The following WDR11 variants were observed in gnomAD, a reference collection of about 807,000 sequenced individuals.
The protein encoded by WDR11 is WD repeat domain 11.
Under a neutral mutation model 151.2 loss-of-function variants are expected in WDR11, and 83 were observed. The ratio of observed to expected loss-of-function variants is 0.55; its 90% CI spans 0.46 to 0.66. The LOEUF is 0.66. Among genes scored for constraint, WDR11 ranks in the 30% least tolerant of loss-of-function variants. WDR11 has a pLI of 0.00. For synonymous variants in WDR11, 484 were observed against 533.1 expected (o/e 0.91, Z 1.27); for missense variants, 1,301 against 1,480.9 (o/e 0.88, Z 1.99).
At chr10:120,863,642 C>A (rs1051884033) in intron 5 of WDR11, among the ~76,000 whole-genome samples, 1 of 152,086 alleles carries the variant, frequency 6.6e-6, no homozygotes, top group African/African-American at 2.4e-5. Context: ...TTTCCTATAG[C>A]AATAATCTGT....
At position 120,886,614 on chromosome 10, in the gene WDR11, G is replaced by A. The variant is rs7079781; in HGVS notation, c.1974-75G>A. The A allele has an allele frequency of 0.34, 528,858 of 1,566,264 alleles. 91,280 individuals are homozygous for A. The highest frequency in any genetic ancestry group is 0.48 in the Admixed American group (26,496 of 55,756). ...CTCCTCTTAATGCGTCTGTACTTTG[G>A]GCAAGTTAATTAATTATGAGTATCA... On this transcript the variant is annotated intron_variant, in intron 15 of 28. Transcript: ENST00000263461.
chr10:120,904,114 G>C lies in WDR11; in HGVS notation c.2999G>C (p.Cys1000Ser), dbSNP rs1847942924. ...KRSTYDHTRK[C>S]TDQLLLLGQT... The stretch of plus-strand genomic sequence containing the variant: ...TCAACTTATGATCATACAAGGAAAT[G>C]TACAGACCAGCTACTGCTCTTGGGT... Residue 1000 changes from cysteine to serine, a missense_variant, in exon 24 of 29, where the codon TGT (cysteine) becomes TCT (serine). Around this residue, in one of 3 missense-constraint regions of WDR11, gnomAD observed 589 missense variants for 670.6 expected, o/e 0.88. Coordinates refer to ENST00000263461, the MANE Select transcript of WDR11 (RefSeq NM_018117.12). 1 of 1,613,180 alleles carries C rather than the reference G, an allele frequency of 6.2e-7. No homozygotes were observed. The highest frequency in any genetic ancestry group is 1.1e-5 in the South Asian group (1 of 91,078).
At chr10:120,874,494 C>G (rs1163998546) in intron 11 of WDR11, among the ~76,000 whole-genome samples, 2 of 151,528 alleles carry the variant, frequency 1.3e-5, no homozygotes, top group African/African-American at 4.9e-5. Flanking sequence ...CTGCACCTGT[C>G]AACCCATCAC....
chr10:120,905,264 C>T, intron 25 of WDR11, 55 bp from the exon 26 acceptor site: 1 of 1,567,642 alleles, frequency 6.4e-7, no homozygotes, highest in Non-Finnish European at 8.8e-7. Flanking sequence ...TTTTTAATGA[C>T]TTCTCAAAGA....
At position 120,876,098 on chromosome 10, in the gene WDR11, C is replaced by T. The variant is rs377340946; in HGVS notation, c.1556+2175C>T. On this transcript the variant is annotated intron_variant, in intron 11 of 28. Transcript: ENST00000263461. The stretch of plus-strand genomic sequence containing the variant: ...GGTTCAAGCAATTCTCCTGCCTCAT[C>T]CTCCCAAGTAGCTGGGATTACAGGT... Among the ~76,000 whole-genome samples the T allele has an allele frequency of 1.6e-3, 239 of 150,538 alleles. 2 individuals are homozygous for T. Among genetic ancestry groups the T allele is most frequent in the African/African-American group, 4.4e-3 (181 of 41,026 alleles).
chr10:120,900,654 C>T (rs941505618), intron 20 of WDR11, among the ~76,000 whole-genome samples: 2 of 152,160 alleles, frequency 1.3e-5, no homozygotes, highest in African/African-American at 4.8e-5. Context: ...AGTGTCTGTT[C>T]TCCAAGCACT....
intron 12 of WDR11, chr10:120,879,517 C>T (rs1451246449): frequency 6.6e-6 from 1 of 152,114 alleles, no homozygotes; most frequent in Non-Finnish European, 1.5e-5. Context: ...GAAAAAAAAT[C>T]CCTGTTTTAT....
Position 120,865,728 on chromosome 10 carries a change from T to C in WDR11, c.978T>C (p.Thr326=), listed in dbSNP as rs538922099. ...GATCTTATAATAACATTTTTACCAC[T>C]TCAAATGAGGAACCAGGTGAGTTTC... ...VRRSYNNIFT[T]SNEEPDPDPV... is the part of the protein sequence containing the mutation. The change falls in exon 7 of 29, where the codon ACT becomes ACC. Residue 326 remains threonine, a synonymous_variant. Coordinates refer to ENST00000263461, the MANE Select transcript of WDR11 (RefSeq NM_018117.12). The C allele has an allele frequency of 1.9e-6, 3 of 1,601,870 alleles. No homozygotes were observed. The South Asian group carries it at 3.3e-5, about 18-fold the overall frequency.
chr10:120,908,563 C>A lies in WDR11; in HGVS notation c.3525C>A (p.Leu1175=), dbSNP rs1848159811. The A allele has an allele frequency of 1.2e-6, 2 of 1,614,080 alleles. No individual in the cohort carries two copies. ...AFEVTEDTEK[L]ITAIYADYAR... ...TCCTTAACTATGGTTTACAGAAACT[C>A]ATCACTGCTATATATGCAGATTATG... Residue 1175 remains leucine (L), a synonymous_variant, in exon 29 of 29, where the codon CTC becomes CTA. Coordinates refer to ENST00000263461, the MANE Select transcript of WDR11 (RefSeq NM_018117.12).
intron 11 of WDR11, among the ~76,000 whole-genome samples, chr10:120,875,505 C>T (rs1846734833): frequency 6.6e-6 from 1 of 152,016 alleles, no homozygotes; most frequent in Non-Finnish European, 1.5e-5. Flanking sequence ...TATGAATTTC[C>T]ACTTTTTTGT....
intron 17 of WDR11, chr10:120,889,465 C>T (rs1847343783): frequency 4.9e-6 from 2 of 405,356 alleles, no homozygotes; most frequent in South Asian, 2.2e-5. Context: ...TGGTCTCGAT[C>T]TCCTGACCTC....
At chr10:120,875,526 A>T (rs1846735517) in intron 11 of WDR11, among the ~76,000 whole-genome samples, 1 of 152,048 alleles carries the variant, frequency 6.6e-6, no homozygotes, top group African/African-American at 2.4e-5. Flanking sequence ...TTGTTTTTTG[A>T]TACAGTCTTA....
At chr10:120,860,319 A>G (rs1261728091) in intron 4 of WDR11, 37 bp downstream of exon 4, 1 of 1,597,508 alleles carries the variant, frequency 6.3e-7, no homozygotes, top group Non-Finnish European at 8.5e-7. Context: ...GAGTTAAGTG[A>G]GATATTTATA....
In WDR11 at chr10:120,904,048, A is replaced by G. The variant is rs1470583606; in HGVS notation, c.2933A>G (p.Lys978Arg). ...DVLCENAYFQ[K>R]FQLERVNLQE... is the part of the protein sequence containing the mutation. The stretch of plus-strand genomic sequence containing the variant: ...TTTTTCTTTTTTTTCCAATTCTAGA[A>G]ATTTCAGCTAGAAAGGGTTAATCTG... Residue 978 changes from lysine (K) to arginine (R), a missense_variant and splice_region_variant, in exon 24 of 29, where the codon AAA (lysine) becomes AGA (arginine). By Grantham distance (26) the Lys-to-Arg change is conservative. Coordinates refer to ENST00000263461, the MANE Select transcript of WDR11 (RefSeq NM_018117.12). The G allele has an allele frequency of 3.1e-6, 5 of 1,605,864 alleles. No homozygotes were observed. The African/African-American group carries it at 4.0e-5, about 13-fold the overall frequency.
At chr10:120,882,011 G>A (rs193301578) in intron 13 of WDR11, among the ~76,000 whole-genome samples, 1 of 152,132 alleles carries the variant, frequency 6.6e-6, no homozygotes, top group African/African-American at 2.4e-5. Flanking sequence ...CCTTTATCAA[G>A]TTGAAAAAGT....
Position 120,866,699 on chromosome 10 carries a change from G to T in WDR11, c.1125G>T (p.Val375=). 1 of 1,614,176 alleles carries T rather than the reference G, an allele frequency of 6.2e-7. No individual in the cohort carries two copies. Among genetic ancestry groups the T allele is most frequent in the Non-Finnish European group, 8.5e-7 (1 of 1,180,028 alleles). The stretch of plus-strand genomic sequence containing the variant: ...ATGAGAATGCAGCCGCCCTCGTAGT[G>T]AGTGATGGCAGGGTCATGATATGGG... ...PVNENAAALV[V]SDGRVMIWEL... The change falls in exon 8 of 29, where the codon GTG becomes GTT. Residue 375 remains valine (V), a synonymous_variant. Coordinates refer to ENST00000263461, the MANE Select transcript of WDR11 (RefSeq NM_018117.12).
chr10:120,855,343 C>T (rs1845910956), intron 2 of WDR11, among the ~76,000 whole-genome samples: 1 of 152,050 alleles, frequency 6.6e-6, no homozygotes, highest in African/African-American at 2.4e-5. Context: ...TTTCATCATG[C>T]TATTCAGAAA....
chr10:120,901,021 A>T lies in WDR11; in HGVS notation c.2625-15A>T. The T allele has an allele frequency of 6.3e-7, 1 of 1,591,814 alleles. No homozygotes were observed. On this transcript the variant is annotated splice_polypyrimidine_tract_variant and intron_variant, in intron 20 of 28. Coordinates refer to ENST00000263461, the MANE Select transcript of WDR11 (RefSeq NM_018117.12). The stretch of plus-strand genomic sequence containing the variant: ...TGAAGAGATAATGAACTCATTCAAA[A>T]TTTTTTCTTTACAGTGACTATCCAG...
chr10:120,900,074 C>T lies in WDR11; in HGVS notation c.2561C>T (p.Ala854Val). Residue 854 changes from alanine to valine, a missense_variant, in exon 20 of 29, where the codon GCC (alanine) becomes GTC (valine). Coordinates refer to ENST00000263461, the MANE Select transcript of WDR11 (RefSeq NM_018117.12). ...CTCCTTGTTCCAAGGGCCTCTCTTG[C>T]CTTGAAAGCCTTCTTATTACACCAG... The part of the protein sequence containing the change: ...PYLLVPRASL[A>V]LKAFLLHQPW... 1.2e-6 allele frequency: 2 copies of T among 1,614,114 alleles called. No individual in the cohort carries two copies. Among genetic ancestry groups the T allele is most frequent in the Non-Finnish European group, 1.7e-6 (2 of 1,179,980 alleles).
Sources: allele counts gnomAD v4.1 joint callset (sites outside exome capture counted in the v4.1 genomes callset), GRCh38; gene constraint gnomAD v4.1.1; regional missense constraint gnomAD v4.1.1; transcripts MANE v1.5; gene names NCBI Gene and HGNC (gene_info 2026-07-23, HGNC 2026-07-21).